Variants in TP63 observed in about 807,000 individuals in gnomAD.
The protein encoded by TP63 is tumor protein p63.
Under a neutral mutation model 82.8 loss-of-function variants are expected in TP63, and 17 were observed. That is an observed-to-expected ratio of 0.21 (90% CI 0.14 to 0.31). The LOEUF is 0.31. Among genes scored for constraint, TP63 ranks in the 10% least tolerant of loss-of-function variants. TP63 has a pLI of 1.00. For missense variants in TP63, 648 were observed against 895.3 expected (o/e 0.72, Z 3.52); for synonymous variants, 330 against 321.7 (o/e 1.03, Z -0.28).
chr3:189,761,533 A>G (rs1268803412), intron 3 of TP63, among the ~76,000 whole-genome samples: 1 of 143,724 alleles, frequency 7.0e-6, no homozygotes, highest in Non-Finnish European at 1.6e-5. Flanking sequence ...TATTGTTCAT[A>G]TCACTATCAG....
At chr3:189,804,477 C>T (rs1726665772) in intron 3 of TP63, among the ~76,000 whole-genome samples, 1 of 152,196 alleles carries the variant, frequency 6.6e-6, no homozygotes, top group Non-Finnish European at 1.5e-5. Context: ...TCATCTTGCA[C>T]TGAGCACTAC....
At chr3:189,610,265 G>A in the TP63 span, among the ~76,000 whole-genome samples, 3 of 152,004 alleles carry the variant, frequency 2.0e-5, no homozygotes, top group Non-Finnish European at 4.4e-5. Flanking sequence ...TCTTATAGAT[G>A]TTGGATATTA....
chr3:189,755,502 C>T (rs559964571), intron 3 of TP63, among the ~76,000 whole-genome samples: 26 of 152,098 alleles, frequency 1.7e-4, no homozygotes, highest in Middle Eastern at 3.4e-3. Context: ...CTATAGCAAA[C>T]ATTTTATTTA....
intron 4 of TP63, among the ~76,000 whole-genome samples, chr3:189,863,453 C>T (rs528386580): frequency 7.5e-4 from 114 of 152,300 alleles, no homozygotes; most frequent in Non-Finnish European, 1.4e-3. Flanking sequence ...GTTTTGCCAA[C>T]TTACAAGCAA....
intron 3 of TP63, among the ~76,000 whole-genome samples, chr3:189,750,536 A>G (rs1425709258): frequency 6.6e-6 from 1 of 152,232 alleles, no homozygotes; most frequent in East Asian, 1.9e-4. Context: ...CAAACATCCT[A>G]ACTTGATCAC....
intron 4 of TP63, chr3:189,829,859 C>A: frequency 2.8e-6 from 1 of 356,620 alleles, no homozygotes; most frequent in South Asian, 2.2e-5. Context: ...ATTACCAGAC[C>A]AATATAACCT....
At chr3:189,680,073 A>C (rs1235388084) in intron 1 of TP63, among the ~76,000 whole-genome samples, 1 of 152,014 alleles carries the variant, frequency 6.6e-6, no homozygotes, top group African/African-American at 2.4e-5. Context: ...CACTTTGGCT[A>C]TTTGGGCTCT....
At chr3:189,727,675 G>C (rs1478459640) in intron 1 of TP63, among the ~76,000 whole-genome samples, 2 of 151,862 alleles carry the variant, frequency 1.3e-5, no homozygotes, top group African/African-American at 4.8e-5. Context: ...TCCTTCCTGA[G>C]CTCCATTTTC....
intron 4 of TP63, among the ~76,000 whole-genome samples, chr3:189,837,109 C>T (rs1399577690): frequency 6.6e-6 from 1 of 152,056 alleles, no homozygotes; most frequent in Non-Finnish European, 1.5e-5. Flanking sequence ...ATACTCTTCC[C>T]AACAGGCAGA....
At chr3:189,622,445 C>A in the TP63 span, among the ~76,000 whole-genome samples, 21 of 152,166 alleles carry the variant, frequency 1.4e-4, no homozygotes, top group Admixed American at 3.9e-4. Flanking sequence ...GCAGAGTCAC[C>A]AACTATCTCT....
the TP63 span, among the ~76,000 whole-genome samples, chr3:189,625,809 C>T: frequency 1.3e-5 from 2 of 152,140 alleles, no homozygotes; most frequent in Non-Finnish European, 1.5e-5. Context: ...AGCCCCCACA[C>T]AGCTGTTCAG....
chr3:189,615,408 G>A, the TP63 span, among the ~76,000 whole-genome samples: 6 of 152,014 alleles, frequency 3.9e-5, no homozygotes, highest in East Asian at 1.9e-4. Context: ...TATCACTGTC[G>A]CCTCTCCCTC....
At chr3:189,849,932 G>A (rs1715411875) in intron 4 of TP63, among the ~76,000 whole-genome samples, 1 of 152,092 alleles carries the variant, frequency 6.6e-6, no homozygotes, top group Non-Finnish European at 1.5e-5. Flanking sequence ...TCTGTAACAA[G>A]TTTACAGGTT....
chr3:189,783,233 T>C (rs1724361783), intron 3 of TP63, among the ~76,000 whole-genome samples: 1 of 151,918 alleles, frequency 6.6e-6, no homozygotes, highest in Admixed American at 6.6e-5. Context: ...AGCAGATTAA[T>C]TTCAAAAAGT....
intron 9 of TP63, among the ~76,000 whole-genome samples, chr3:189,871,057 C>G (rs1718362979): frequency 6.6e-6 from 1 of 152,084 alleles, no homozygotes; most frequent in East Asian, 1.9e-4. Context: ...TACCCTGATA[C>G]ACTAAATATT....
At chr3:189,665,270 A>G (rs112621886) in intron 1 of TP63, among the ~76,000 whole-genome samples, 20 of 152,084 alleles carry the variant, frequency 1.3e-4, no homozygotes, top group African/African-American at 4.6e-4. Flanking sequence ...CGGTTCAGGG[A>G]TTTTTATCTC....
intron 4 of TP63, among the ~76,000 whole-genome samples, chr3:189,826,047 G>T (rs1399891950): frequency 2.0e-5 from 3 of 152,100 alleles, no homozygotes; most frequent in African/African-American, 7.2e-5. Flanking sequence ...AATAGGAAAT[G>T]GTGAGAAAAA....
At chr3:189,606,637 C>T in the TP63 span, among the ~76,000 whole-genome samples, 76 of 150,056 alleles carry the variant, frequency 5.1e-4, no homozygotes, top group Middle Eastern at 3.4e-3. Flanking sequence ...CCTCAGCCTC[C>T]GTTGCACCAC....
At chr3:189,872,631 T>G (rs1402306311) in intron 9 of TP63, among the ~76,000 whole-genome samples, 4 of 152,178 alleles carry the variant, frequency 2.6e-5, no homozygotes, top group Admixed American at 6.5e-5. Flanking sequence ...GAGCATCTCC[T>G]TGTTCGAACC....
Sources: gnomAD v4.1 joint callset for allele counts (sites outside exome capture counted in the v4.1 genomes callset) on GRCh38, gnomAD v4.1.1 for gene constraint, MANE v1.5 for transcripts, NCBI Gene and HGNC (gene_info 2026-07-23, HGNC 2026-07-21) for gene names.